MINAR1: variants seen among roughly 807,000 people sequenced by gnomAD.
The protein encoded by MINAR1 is membrane integral NOTCH2 associated receptor 1.
Under a neutral mutation model 65.1 loss-of-function variants are expected in MINAR1, and 40 were observed. That is an observed-to-expected ratio of 0.61 (90% CI 0.48 to 0.80). The LOEUF is 0.80. Ranked by LOEUF, MINAR1 falls within the 30% of genes least tolerant of loss-of-function variation. The pLI, the probability that MINAR1 is intolerant of heterozygous loss-of-function variation, is 0.00. For missense variants in MINAR1, 1,128 were observed against 1,148.0 expected, an observed-to-expected ratio of 0.98 and a Z score of 0.25; for synonymous variants, 482 against 449.1, an observed-to-expected ratio of 1.07 and a Z score of -0.93.
At chr15:79,463,749 G>A in intron 3 of MINAR1, 1 of 459,406 alleles carries the variant, frequency 2.2e-6, no homozygotes, top group Non-Finnish European at 4.4e-6. Context: ...TTTCCATACG[G>A]AGCAGCCCCA....
Position 79,456,230 on chromosome 15 carries a change from A to G in MINAR1, c.83A>G (p.Gln28Arg), listed in dbSNP as rs1458533100. The G allele has an allele frequency of 6.2e-7, 1 of 1,614,068 alleles. No homozygotes were observed. Among genetic ancestry groups the G allele is most frequent in the African/African-American group, 1.3e-5 (1 of 74,936 alleles). Residue 28 changes from glutamine to arginine, a missense_variant, in exon 2 of 4, where the codon CAG becomes CGG. Coordinates refer to ENST00000305428, the MANE Select transcript of MINAR1 (RefSeq NM_015206.3). ...AGCAAGCAAAATACCGTTTCTTATC[A>G]GGACCTGTGCAAATCTCTCTGTGCC... Reference protein sequence around the residue: ...LDSKQNTVSYQDLCKSLCARF... With the variant: ...LDSKQNTVSYRDLCKSLCARF...
chr15:79,439,222 T>G (rs1595933103), intron 1 of MINAR1, among the ~76,000 whole-genome samples: 2 of 33,074 alleles, frequency 6.0e-5, no homozygotes, highest in African/African-American at 1.2e-4. Flanking sequence ...GTGTGGGGTG[T>G]GGGTGTGTGT....
At chr15:79,417,943 A>G in the MINAR1 span, 87 of 152,376 alleles carry the variant, frequency 5.7e-4, 1 homozygote, top group African/African-American at 2.0e-3. Flanking sequence ...GTTTATCTGC[A>G]CTTTCCATGA....
chr15:79,451,457 A>C (rs1895197912), intron 1 of MINAR1, among the ~76,000 whole-genome samples: 1 of 151,964 alleles, frequency 6.6e-6, no homozygotes, highest in Non-Finnish European at 1.5e-5. Context: ...GGACTGCGGG[A>C]GGATGTGGGC....
intron 2 of MINAR1, among the ~76,000 whole-genome samples, chr15:79,461,499 C>T (rs1421101671): frequency 6.6e-6 from 1 of 152,230 alleles, no homozygotes; most frequent in Non-Finnish European, 1.5e-5. Context: ...GCAATAGGAG[C>T]TCTCTGAGTG....
the MINAR1 span, chr15:79,425,675 A>C: frequency 6.6e-6 from 1 of 152,144 alleles, no homozygotes; most frequent in Non-Finnish European, 1.5e-5. Flanking sequence ...GGAGTGGCAA[A>C]GGTCTCTAGG....
In MINAR1 at chr15:79,457,679, CAG is replaced by C; in HGVS notation, c.1534_1535del (p.Glu512AsnfsTer8). On this transcript the variant is annotated frameshift_variant, in exon 2 of 4. Coordinates refer to ENST00000305428, the MANE Select transcript of MINAR1 (RefSeq NM_015206.3). LOFTEE classifies it high-confidence loss of function. ...ACCATGAAGCACTCAGACGATGACT[CAG>C]AAATTGTCAGCGACGACATCAGTGA... 3 of 1,614,160 alleles carry C rather than the reference CAG, an allele frequency of 1.9e-6. No individual in the cohort carries two copies. The highest frequency in any genetic ancestry group is 2.2e-5 in the East Asian group (1 of 44,874).
intron 1 of MINAR1, among the ~76,000 whole-genome samples, chr15:79,450,272 C>G (rs577933737): frequency 5.3e-5 from 8 of 152,288 alleles, no homozygotes; most frequent in African/African-American, 1.9e-4. Context: ...GTTTTCTTCC[C>G]TTTACCTTTC....
At chr15:79,439,817 G>A (rs1393671984) in intron 1 of MINAR1, among the ~76,000 whole-genome samples, 3 of 151,958 alleles carry the variant, frequency 2.0e-5, no homozygotes, top group Non-Finnish European at 4.4e-5. Context: ...TTCTGAAGAC[G>A]CTCAGCAGGT....
chr15:79,450,172 T>C (rs1895143841), intron 1 of MINAR1, among the ~76,000 whole-genome samples: 2 of 152,172 alleles, frequency 1.3e-5, no homozygotes, highest in African/African-American at 4.8e-5. Context: ...TGAAAAGTCA[T>C]GTTACTCTCT....
At position 79,456,413 on chromosome 15, in the gene MINAR1, C is replaced by G. The variant is rs542925690; in HGVS notation, c.266C>G (p.Thr89Arg). The G allele has an allele frequency of 6.2e-7, 1 of 1,614,178 alleles. No homozygotes were observed. The highest frequency in any genetic ancestry group is 1.7e-5 in the Admixed American group (1 of 60,024). ...ATCATGGTGGCAGCAGATATTGTGA[C>G]GATATTCAACCTGATCCAAATGAAT... ...KKIMVAADIV[T>R]IFNLIQMNGG... Residue 89 changes from threonine to arginine, a missense_variant, in exon 2 of 4, where the codon ACG becomes AGG. Coordinates refer to ENST00000305428, the MANE Select transcript of MINAR1 (RefSeq NM_015206.3).
chr15:79,437,258 A>G (rs992865486), intron 1 of MINAR1, among the ~76,000 whole-genome samples: 5 of 152,174 alleles, frequency 3.3e-5, no homozygotes, highest in Non-Finnish European at 7.3e-5. Flanking sequence ...GAAGAAGATG[A>G]AAGTCTTTTG....
chr15:79,452,569 AGT>A (rs1482653059), intron 1 of MINAR1, among the ~76,000 whole-genome samples: 4 of 125,074 alleles, frequency 3.2e-5, no homozygotes, highest in East Asian at 2.4e-4. Flanking sequence ...TGTGTGTGTG[AGT>A]GTATGGGTGA....
In MINAR1 at chr15:79,468,948, CAG is replaced by C. The variant is rs1362878462; in HGVS notation, c.*567_*568del. 3.7e-5 allele frequency: 6 copies of C among 160,664 alleles called. No individual in the cohort carries two copies. The highest frequency in any genetic ancestry group is 1.2e-4 in the African/African-American group (5 of 41,594). The allele number at this position is 160,664 out of a possible 1,614,324, so 10.0% of individuals were successfully genotyped here. On this transcript the variant is annotated 3_prime_UTR_variant, in exon 4 of 4. Coordinates refer to ENST00000305428, the MANE Select transcript of MINAR1 (RefSeq NM_015206.3). ...TCTTGCCCTTTTGTCATCAACACGA[CAG>C]AGTGTCTGCATCACTGCAGATCTTC... is the stretch of plus-strand genomic sequence containing the variant.
At chr15:79,445,099 G>T (rs1213668020) in intron 1 of MINAR1, among the ~76,000 whole-genome samples, 1 of 151,934 alleles carries the variant, frequency 6.6e-6, no homozygotes, top group Admixed American at 6.5e-5. Flanking sequence ...TTTTCCTGGT[G>T]AGTTGTTTTT....
In MINAR1 at chr15:79,470,503, CAGGT is replaced by C. The variant is rs1162713125; in HGVS notation, c.*2123_*2126del. 1 of 147,984 alleles carries C rather than the reference CAGGT, an allele frequency of 6.8e-6. No individual in the cohort carries two copies. Among genetic ancestry groups the C allele is most frequent in the African/African-American group, 2.7e-5 (1 of 37,408 alleles). 9.2% of individuals were successfully genotyped at this position (147,984 alleles called of 1,614,324 possible). On this transcript the variant is annotated 3_prime_UTR_variant, in exon 4 of 4. Transcript: ENST00000305428. The stretch of plus-strand genomic sequence containing the variant: ...AATCCACCCCAAATCTTCCATTTAA[CAGGT>C]AGGACCATCGAGGCTGGACCAAACC...
In MINAR1 at chr15:79,457,766, C is replaced by A. The variant is rs567449607; in HGVS notation, c.1619C>A (p.Ser540Tyr). Residue 540 changes from serine (S) to tyrosine (Y), a missense_variant, in exon 2 of 4, where the codon TCC (serine) becomes TAC (tyrosine). Coordinates refer to ENST00000305428, the MANE Select transcript of MINAR1 (RefSeq NM_015206.3). The stretch of plus-strand genomic sequence containing the variant: ...GGCTCCACGGGAGTGATACAGTCGT[C>A]CTGCTACAACAGCACAGGATCCTTG... ...ISGSTGVIQS[S>Y]CYNSTGSLSQ... The A allele has an allele frequency of 6.2e-7, 1 of 1,614,058 alleles. No homozygotes were observed. Among genetic ancestry groups the A allele is most frequent in the Non-Finnish European group, 8.5e-7 (1 of 1,180,036 alleles).
chr15:79,446,423 A>C lies in MINAR1; in HGVS notation c.-50-9675A>C, dbSNP rs1402009413. Among the ~76,000 whole-genome samples the C allele has an allele frequency of 3.3e-5, 5 of 152,114 alleles. No individual in the cohort carries two copies. The South Asian group carries it at 1.0e-3, about 32-fold the overall frequency. Reference sequence around the variant, plus strand: ...TTTTACAATAAGGAATATGAGTTATAAACTCTGAAACTATTTCTTTATCTT... The same window carrying C: ...TTTTACAATAAGGAATATGAGTTATCAACTCTGAAACTATTTCTTTATCTT... On this transcript the variant is annotated intron_variant, in intron 1 of 3. Transcript: ENST00000305428.
chr15:79,433,250 C>T (rs1894503456), intron 1 of MINAR1, among the ~76,000 whole-genome samples: 2 of 152,142 alleles, frequency 1.3e-5, no homozygotes. Flanking sequence ...TTTGTCCCCT[C>T]GCCGGCGGTG....
Sources: allele counts gnomAD v4.1 joint callset (sites outside exome capture counted in the v4.1 genomes callset), GRCh38; gene constraint gnomAD v4.1.1; transcripts MANE v1.5; gene names NCBI Gene and HGNC (gene_info 2026-07-23, HGNC 2026-07-21).